Variants in CASK observed in about 807,000 individuals in gnomAD.
CASK encodes calcium/calmodulin dependent serine protein kinase.
A neutral mutation model predicts 82.9 loss-of-function variants in CASK; 4 were observed. The ratio of observed to expected loss-of-function variants is 0.05; its 90% CI spans 0.02 to 0.11. CASK has a LOEUF of 0.11. CASK is among the 10% of genes least tolerant of loss of function. CASK has a pLI of 1.00. For missense variants in CASK, 358 were observed against 720.9 expected, an observed-to-expected ratio of 0.50 and a Z score of 5.76; for synonymous variants, 259 against 253.5, an observed-to-expected ratio of 1.02 and a Z score of -0.20.
intron 11 of CASK, among the ~76,000 whole-genome samples, chrX:41,618,823 T>G (rs1280514292): frequency 2.8e-5 from 3 of 107,283 alleles, no homozygotes; most frequent in Non-Finnish European, 5.8e-5. Flanking sequence ...GATGTCCAAT[T>G]TCTTTTTTTT....
At position 41,520,467 on chromosome X, in the gene CASK, G is replaced by A. The variant is rs777220099; in HGVS notation, c.2734C>T (p.Leu912Phe). The A allele has an allele frequency of 2.0e-5, 24 of 1,209,737 alleles. No individual in the cohort carries two copies. The highest frequency in any genetic ancestry group is 8.8e-5 in the South Asian group (5 of 56,888). ...ACCCACTGTGGGGCTGTGCACACGA[G>A]CTCAACAGCTTCCTCCAGATGTCTG... is the stretch of plus-strand genomic sequence containing the variant. ...TIRHLEEAVE[L>F]VCTAPQWVPV... Residue 912 changes from leucine to phenylalanine, a missense_variant, in exon 27 of 27, where the codon CTC becomes TTC. Physicochemically the swap from Leu to Phe is conservative, Grantham distance 22 (BLOSUM62 0). Around this residue, in one of 5 missense-constraint regions of CASK, gnomAD observed 118 missense variants for 169.4 expected, o/e 0.70. Transcript: ENST00000378163.
chrX:41,574,885 A>C (rs991167625), intron 15 of CASK, among the ~76,000 whole-genome samples: 2 of 112,310 alleles, frequency 1.8e-5, no homozygotes, highest in African/African-American at 3.2e-5. Flanking sequence ...CACAAACTAT[A>C]ACTTTGCATT....
intron 14 of CASK, among the ~76,000 whole-genome samples, chrX:41,578,980 G>A (rs1323333338): frequency 8.9e-6 from 1 of 112,073 alleles, no homozygotes; most frequent in Non-Finnish European, 1.9e-5. Flanking sequence ...ATGATTATCT[G>A]GGTCAGAGGT....
chrX:41,628,334 C>T (rs984639326), intron 9 of CASK, among the ~76,000 whole-genome samples: 1 of 112,098 alleles, frequency 8.9e-6, no homozygotes, highest in Admixed American at 9.5e-5. Context: ...GACAGGGTCT[C>T]GCTCTGTTGC....
chrX:41,919,473 T>C (rs2072748743), intron 1 of CASK: 2 of 112,595 alleles, frequency 1.8e-5, no homozygotes, highest in South Asian at 7.3e-4. Context: ...TTTTTCTATG[T>C]TTTAATTTCG....
intron 2 of CASK, among the ~76,000 whole-genome samples, chrX:41,803,453 G>A (rs143790060): frequency 0.025 from 2,756 of 110,746 alleles, 55 homozygotes; most frequent in Admixed American, 0.077. Flanking sequence ...TTAGCCAGGT[G>A]TGGTGGCACG....
intron 1 of CASK, among the ~76,000 whole-genome samples, chrX:41,888,791 ATATATATGTATATATACATGTATATG>A (rs1649846502): frequency 9.5e-6 from 1 of 104,744 alleles, no homozygotes; most frequent in East Asian, 2.9e-4. Flanking sequence ...ATGTATGTGT[ATATATATGTATATATACATGTATATG>A]TATATATGTA....
At chrX:41,829,470 A>T (rs1340450953) in intron 2 of CASK, among the ~76,000 whole-genome samples, 1 of 105,363 alleles carries the variant, frequency 9.5e-6, no homozygotes, top group East Asian at 3.1e-4. Flanking sequence ...ATCCATTCTC[A>T]TTGCTTTGTT....
intron 1 of CASK, among the ~76,000 whole-genome samples, chrX:41,908,000 T>C (rs2072497881): frequency 8.9e-6 from 1 of 111,801 alleles, no homozygotes; most frequent in East Asian, 2.8e-4. Flanking sequence ...CAGGCAGTAA[T>C]GCTGGCTGGC....
chrX:41,792,687 A>C (rs2069756295), intron 2 of CASK, among the ~76,000 whole-genome samples: 1 of 111,970 alleles, frequency 8.9e-6, no homozygotes, highest in Admixed American at 9.5e-5. Context: ...AAGTAAAAAG[A>C]AACAGGTAAA....
intron 22 of CASK, among the ~76,000 whole-genome samples, chrX:41,537,433 G>A (rs756849778): frequency 3.6e-5 from 4 of 111,619 alleles, no homozygotes; most frequent in Non-Finnish European, 5.6e-5. Flanking sequence ...CAAAAACACA[G>A]AGGCATAGTC....
In CASK at chrX:41,528,699, G is replaced by A. The variant is rs192610322; in HGVS notation, c.2520+2308C>T. Among the ~76,000 whole-genome samples the A allele has an allele frequency of 2.5e-3, 286 of 112,197 alleles. 2 individuals are homozygous for A. The highest frequency in any genetic ancestry group is 8.8e-3 in the African/African-American group (271 of 30,836). On this transcript the variant is annotated intron_variant, in intron 25 of 26. Transcript: ENST00000378163. The stretch of plus-strand genomic sequence containing the variant: ...ATTAAATTGTCTGTAAGATACAGTA[G>A]AGGGGTCATCTAAGAAGCTGGAGTG...
chrX:41,664,929 TTAAGA>T (rs1296284043), intron 7 of CASK, among the ~76,000 whole-genome samples: 11 of 112,985 alleles, frequency 9.7e-5, no homozygotes, highest in Non-Finnish European at 2.1e-4. Flanking sequence ...AAATTTAAAA[TTAAGA>T]TAAAGAATGA....
intron 5 of CASK, chrX:41,695,683 C>G (rs753492240): frequency 2.5e-6 from 3 of 1,204,892 alleles, no homozygotes; most frequent in Admixed American, 2.2e-5. Flanking sequence ...AGCAGCTGGC[C>G]TTACTCCTCC....
chrX:41,715,406 G>A (rs2147643055), intron 5 of CASK, among the ~76,000 whole-genome samples: 1 of 111,447 alleles, frequency 9.0e-6, no homozygotes, highest in African/African-American at 3.3e-5. Flanking sequence ...GATCACCTGA[G>A]GTCAGGAGTT....
intron 1 of CASK, among the ~76,000 whole-genome samples, chrX:41,896,751 T>A (rs2072277355): frequency 8.9e-6 from 1 of 112,076 alleles, no homozygotes; most frequent in Admixed American, 9.4e-5. Flanking sequence ...AAATGGGATA[T>A]CCATTACCTC....
At chrX:41,745,671 C>T in intron 3 of CASK, 70 bp from the exon 4 acceptor site, 1 of 698,253 alleles carries the variant, frequency 1.4e-6, no homozygotes. Context: ...AAAGTGAATA[C>T]ATTGTAACTA....
chrX:41,652,420 C>T (rs2066878123), intron 8 of CASK, among the ~76,000 whole-genome samples: 1 of 112,147 alleles, frequency 8.9e-6, no homozygotes, highest in Non-Finnish European at 1.9e-5. Flanking sequence ...TGGTCTACAG[C>T]TCCGTTTCCT....
At chrX:41,779,518 GAC>G (rs1299299133) in intron 3 of CASK, among the ~76,000 whole-genome samples, 1 of 111,738 alleles carries the variant, frequency 8.9e-6, no homozygotes, top group East Asian at 2.8e-4. Flanking sequence ...GGGGATCCCT[GAC>G]ACACAGTTTG....
Sources: allele counts gnomAD v4.1 joint callset (sites outside exome capture counted in the v4.1 genomes callset), GRCh38; gene constraint gnomAD v4.1.1; regional missense constraint gnomAD v4.1.1; transcripts MANE v1.5; gene names NCBI Gene and HGNC (gene_info 2026-07-23, HGNC 2026-07-21).